Variants in PIK3R1 observed in about 807,000 individuals in gnomAD.
PIK3R1 encodes the protein phosphoinositide-3-kinase regulatory subunit 1.
A neutral mutation model predicts 98.0 loss-of-function variants in PIK3R1; 29 were observed. That is an observed-to-expected ratio of 0.30 (90% confidence interval 0.22 to 0.40). The LOEUF is 0.40. Among genes scored for constraint, PIK3R1 ranks in the 10% least tolerant of loss-of-function variants. The pLI is 1.00. For synonymous variants in PIK3R1, 282 were observed against 311.8 expected (o/e 0.90, Z 1.01); for missense variants, 596 against 872.7 (o/e 0.68, Z 3.99).
chr5:68,284,189 C>T (rs1427515701), intron 7 of PIK3R1, among the ~76,000 whole-genome samples: 2 of 152,160 alleles, frequency 1.3e-5, no homozygotes. Flanking sequence ...TGCTATCTAT[C>T]GCATCAACTC....
chr5:68,260,733 T>G (rs2112104375), intron 2 of PIK3R1, among the ~76,000 whole-genome samples: 1 of 152,300 alleles, frequency 6.6e-6, no homozygotes, highest in East Asian at 1.9e-4. Flanking sequence ...CACCTCTCTC[T>G]CTTCATATTG....
rs778323346 is a variant in PIK3R1 at position 68,300,587 on chromosome 5, T to A, written c.*2986T>A. 2 of 233,172 alleles carry A rather than the reference T, an allele frequency of 8.6e-6. No individual in the cohort carries two copies. The highest frequency in any genetic ancestry group is 5.6e-5 in the Admixed American group (1 of 17,780). The allele number at this position is 233,172 out of a possible 1,614,324, so 14.4% of individuals were successfully genotyped here. A position where few individuals can be genotyped will look rare whatever the true frequency, so the allele number is the denominator to read the frequency against. On this transcript the variant is annotated 3_prime_UTR_variant, in exon 16 of 16. Transcript: ENST00000521381. ...CATGTGAAAAGGCAAAAAGCATGTG[T>A]TTGCAACATCTGATAACTTCATGGC...
At chr5:68,236,388 T>C (rs946559013) in intron 2 of PIK3R1, among the ~76,000 whole-genome samples, 5 of 152,076 alleles carry the variant, frequency 3.3e-5, no homozygotes, top group Non-Finnish European at 7.4e-5. Context: ...TAGCTGGGAC[T>C]ACAGGCACCT....
At chr5:68,293,276 A>G (rs1747494306) in intron 9 of PIK3R1, 27 bp from the exon 10 acceptor site, 1 of 1,599,114 alleles carries the variant, frequency 6.3e-7, no homozygotes, top group African/African-American at 1.3e-5. Context: ...AAATGTTAAT[A>G]CCTTTATTTT....
chr5:68,277,094 T>G (rs1195045494), intron 4 of PIK3R1, among the ~76,000 whole-genome samples: 3 of 152,232 alleles, frequency 2.0e-5, no homozygotes, highest in Non-Finnish European at 4.4e-5. Flanking sequence ...ACGTTTATAC[T>G]GCATCACCAA....
Position 68,253,710 on chromosome 5 carries a change from T to A in PIK3R1, c.335-19680T>A, listed in dbSNP as rs575209912. Among the ~76,000 whole-genome samples, 3 of 152,342 alleles carry A rather than the reference T, an allele frequency of 2.0e-5. No individual in the cohort carries two copies. The East Asian group carries it at 5.8e-4, about 29-fold the overall frequency. ...AAACAGCCGGAACTTCTGGAGGTGT[T>A]AGCAAGTATCTACTATGAGCTTGGG... is the stretch of plus-strand genomic sequence containing the variant. On this transcript the variant is annotated intron_variant, in intron 2 of 15. Coordinates refer to ENST00000521381, the MANE Select transcript of PIK3R1 (RefSeq NM_181523.3).
intron 2 of PIK3R1, among the ~76,000 whole-genome samples, chr5:68,262,530 CTATA>C (rs1365647095): frequency 7.0e-6 from 1 of 141,936 alleles, no homozygotes; most frequent in Non-Finnish European, 1.5e-5. Context: ...AGATACATAG[CTATA>C]TAGATACATA....
At chr5:68,270,647 AT>A (rs1461506397) in intron 2 of PIK3R1, among the ~76,000 whole-genome samples, 1 of 152,114 alleles carries the variant, frequency 6.6e-6, no homozygotes, top group Non-Finnish European at 1.5e-5. Context: ...GCTTTTTGAG[AT>A]TTGGGGTGTG....
At chr5:68,277,657 C>G (rs961694032) in intron 4 of PIK3R1, among the ~76,000 whole-genome samples, 3 of 152,182 alleles carry the variant, frequency 2.0e-5, no homozygotes, top group Non-Finnish European at 4.4e-5. Context: ...ATCTAGGATA[C>G]TACCTTCTCC....
At position 68,301,222 on chromosome 5, in the gene PIK3R1, A is replaced by G. The variant is rs1357046698; in HGVS notation, c.*3621A>G. On this transcript the variant is annotated 3_prime_UTR_variant, in exon 16 of 16. Coordinates refer to ENST00000521381, the MANE Select transcript of PIK3R1 (RefSeq NM_181523.3). ...CCAAATTCTTATTTTTTAAAAAGCT[A>G]GTTCTATAAAATACTGGTATTATGG... 9.4e-6 allele frequency: 2 copies of G among 211,996 alleles called. No homozygotes were observed. Among genetic ancestry groups the G allele is most frequent in the Admixed American group, 5.9e-5 (1 of 16,936 alleles). The allele number at this position is 211,996 out of a possible 1,614,324, so 13.1% of individuals were successfully genotyped here.
intron 2 of PIK3R1, among the ~76,000 whole-genome samples, chr5:68,251,373 A>G (rs1745300029): frequency 6.6e-6 from 1 of 151,994 alleles, no homozygotes; most frequent in South Asian, 2.1e-4. Flanking sequence ...AACTGTGTTG[A>G]TGAGTTGGTT....
Position 68,267,344 on chromosome 5 carries a change from G to T in PIK3R1, c.335-6046G>T, listed in dbSNP as rs371515082. On this transcript the variant is annotated intron_variant, in intron 2 of 15. Coordinates refer to ENST00000521381, the MANE Select transcript of PIK3R1 (RefSeq NM_181523.3). ...TTAATAAGATCTTTGCCTGCTGTTT[G>T]TTTTCTATACCAGTCTGTTGTCTAG... Among the ~76,000 whole-genome samples, 57 of 152,266 alleles carry T rather than the reference G, an allele frequency of 3.7e-4. No individual in the cohort carries two copies. In the South Asian group the frequency reaches 0.012, roughly 32 times the overall value.
At chr5:68,292,681 A>T in intron 8 of PIK3R1, 1 of 1,289,634 alleles carries the variant, frequency 7.8e-7, no homozygotes. Flanking sequence ...CCTTAAACAC[A>T]ATAAGAAAAC....
intron 7 of PIK3R1, among the ~76,000 whole-genome samples, chr5:68,289,758 G>GAAA (rs1747278574): frequency 5.7e-4 from 2 of 3,482 alleles, no homozygotes; most frequent in Non-Finnish European, 5.4e-4. Context: ...AGGGGGAAAA[G>GAAA]CAAAAAAAAA....
chr5:68,266,586 A>G (rs936902074), intron 2 of PIK3R1, among the ~76,000 whole-genome samples: 1 of 152,214 alleles, frequency 6.6e-6, no homozygotes, highest in Non-Finnish European at 1.5e-5. Context: ...TGACCATCAG[A>G]TATCTGTGTG....
At chr5:68,280,502 C>CTTTTTTTTTTTTT in intron 5 of PIK3R1, 26 bp from the exon 6 acceptor site, 1 of 1,287,496 alleles carries the variant, frequency 7.8e-7, no homozygotes. Flanking sequence ...ACTCATTTCT[C>CTTTTTTTTTTTTT]TTTTTTTTTT....
In PIK3R1 at chr5:68,226,628, G is replaced by A; in HGVS notation, c.-48G>A. 6.9e-7 allele frequency: 1 copy of A among 1,456,768 alleles called. No individual in the cohort carries two copies. Among genetic ancestry groups the A allele is most frequent in the South Asian group, 1.2e-5 (1 of 85,978 alleles). The allele number at this position is 1,456,768 out of a possible 1,614,324, so 90.2% of individuals were successfully genotyped here. A position where few individuals can be genotyped will look rare whatever the true frequency, so the allele number is the denominator to read the frequency against. ...TTTCATAAAAACGTAAAATCAGACTGCTCTGTACAACCAGGCTCAACTGTT... is the reference window on the plus strand; with the variant it reads ...TTTCATAAAAACGTAAAATCAGACTACTCTGTACAACCAGGCTCAACTGTT... On this transcript the variant is annotated 5_prime_UTR_variant, in exon 2 of 16. Transcript: ENST00000521381.
intron 2 of PIK3R1, among the ~76,000 whole-genome samples, chr5:68,260,114 C>T (rs1380436753): frequency 2.6e-5 from 4 of 152,142 alleles, no homozygotes; most frequent in Non-Finnish European, 5.9e-5. Context: ...TTATTATTGG[C>T]TTCTTGGTAA....
In PIK3R1 at chr5:68,226,971, C is replaced by T. The variant is rs755859763; in HGVS notation, c.296C>T (p.Pro99Leu). 2 of 1,613,140 alleles carry T rather than the reference C, an allele frequency of 1.2e-6. No homozygotes were observed. The highest frequency in any genetic ancestry group is 1.7e-6 in the Non-Finnish European group (2 of 1,179,706). Reference sequence around the variant, plus strand: ...CCACCTCGGCCTCTTCCTGTTGCACCAGGTTCTTCGAAAACTGAAGCAGAT... The same window carrying T: ...CCACCTCGGCCTCTTCCTGTTGCACTAGGTTCTTCGAAAACTGAAGCAGAT... ...PRPPRPLPVA[P>L]GSSKTEADVE... is the part of the protein sequence containing the mutation. Residue 99 changes from proline to leucine, a missense_variant, in exon 2 of 16, where the codon CCA (proline) becomes CTA (leucine). Physicochemically the swap from Pro to Leu is moderately conservative, Grantham distance 98. Coordinates refer to ENST00000521381, the MANE Select transcript of PIK3R1 (RefSeq NM_181523.3).
Sources: gnomAD v4.1 joint callset for allele counts (sites outside exome capture counted in the v4.1 genomes callset) on GRCh38, gnomAD v4.1.1 for gene constraint, MANE v1.5 for transcripts, NCBI Gene and HGNC (gene_info 2026-07-23, HGNC 2026-07-21) for gene names.